Variants in TAMM41 observed in about 807,000 individuals in gnomAD.
The protein encoded by TAMM41 is TAM41 mitochondrial translocator assembly and maintenance homolog.
A neutral mutation model predicts 44.1 loss-of-function variants in TAMM41; 36 were observed. The observed-to-expected ratio is 0.82, with a 90% CI of 0.63 to 1.08. The LOEUF (loss-of-function observed/expected upper bound fraction) is 1.08, where lower values mean the gene tolerates loss of function less well. Among genes scored for constraint, TAMM41 ranks in the 50% least tolerant of loss-of-function variants. The probability of loss-of-function intolerance (pLI) is 0.00; values close to 1 mark genes in which losing one functional copy is unlikely to be tolerated. For missense variants in TAMM41, 417 were observed against 404.3 expected, an observed-to-expected ratio of 1.03 and a Z score of -0.27; for synonymous variants, 164 against 153.1, an observed-to-expected ratio of 1.07 and a Z score of -0.53.
At chr3:11,826,275 T>A (rs879373349) in intron 4 of TAMM41, among the ~76,000 whole-genome samples, 5 of 152,186 alleles carry the variant, frequency 3.3e-5, no homozygotes, top group Non-Finnish European at 7.3e-5. Flanking sequence ...GGCCCACACC[T>A]ATAATCCCAG....
At chr3:11,735,308 C>T in the TAMM41 span, among the ~76,000 whole-genome samples, 8 of 151,256 alleles carry the variant, frequency 5.3e-5, no homozygotes, top group Non-Finnish European at 1.0e-4. Context: ...CAGTGAGTTA[C>T]GACTGCGCCA....
the TAMM41 span, among the ~76,000 whole-genome samples, chr3:11,730,262 A>T: frequency 1.3e-5 from 2 of 151,866 alleles, no homozygotes; most frequent in Non-Finnish European, 2.9e-5. Context: ...CTCTACTAAA[A>T]ATACAAAAAT....
chr3:11,775,031 G>A, the TAMM41 span, among the ~76,000 whole-genome samples: 16 of 152,042 alleles, frequency 1.1e-4, no homozygotes, highest in African/African-American at 2.4e-4. Context: ...CACCGTGCCC[G>A]GCTAATTTTT....
the TAMM41 span, among the ~76,000 whole-genome samples, chr3:11,778,213 T>G: frequency 6.6e-6 from 1 of 152,106 alleles, no homozygotes; most frequent in Non-Finnish European, 1.5e-5. Flanking sequence ...CTCGGTTATA[T>G]GAGAACTCTA....
the TAMM41 span, among the ~76,000 whole-genome samples, chr3:11,785,322 T>C: frequency 6.6e-6 from 1 of 151,910 alleles, no homozygotes; most frequent in Non-Finnish European, 1.5e-5. Flanking sequence ...CATCTGGTTT[T>C]TGTTTTTGTT....
intron 5 of TAMM41, among the ~76,000 whole-genome samples, chr3:11,813,823 AAT>A (rs1459912980): frequency 1.3e-3 from 149 of 117,662 alleles, no homozygotes; most frequent in African/African-American, 4.8e-3. Flanking sequence ...TATGGGTACA[AAT>A]ATATGTGTGT....
intron 7 of TAMM41, among the ~76,000 whole-genome samples, chr3:11,802,477 A>T (rs901647808): frequency 1.3e-5 from 2 of 152,206 alleles, no homozygotes; most frequent in Non-Finnish European, 2.9e-5. Context: ...TCATGGAAAC[A>T]TAATCTTCAA....
chr3:11,816,722 G>A (rs1307766149), intron 5 of TAMM41, among the ~76,000 whole-genome samples: 9 of 151,942 alleles, frequency 5.9e-5, no homozygotes, highest in Admixed American at 4.6e-4. Flanking sequence ...GCAGTAAGCC[G>A]AGATCGTGCC....
chr3:11,782,313 A>G, the TAMM41 span, among the ~76,000 whole-genome samples: 1 of 152,148 alleles, frequency 6.6e-6, no homozygotes, highest in East Asian at 1.9e-4. Flanking sequence ...TAAGAGGCCA[A>G]GGTGGATGGA....
At chr3:11,843,866 T>A in intron 2 of TAMM41, 163 bp downstream of exon 2, 1 of 724,822 alleles carries the variant, frequency 1.4e-6, no homozygotes, top group Non-Finnish European at 2.2e-6. Context: ...TTCCTGACTA[T>A]AAGAATATAC....
chr3:11,777,133 C>A, the TAMM41 span, among the ~76,000 whole-genome samples: 3 of 152,120 alleles, frequency 2.0e-5, no homozygotes, highest in African/African-American at 7.2e-5. Flanking sequence ...GTTCTCACCA[C>A]ACAGACAAAA....
At chr3:11,817,452 A>G (rs1019804496) in intron 4 of TAMM41, 115 bp from the exon 5 acceptor site, 28 of 1,085,916 alleles carry the variant, frequency 2.6e-5, no homozygotes, top group Non-Finnish European at 3.2e-5. Context: ...ATCCCTCATC[A>G]GAACACTTGC....
chr3:11,829,647 A>T (rs2078899666), intron 4 of TAMM41, 67 bp downstream of exon 4: 2 of 1,553,156 alleles, frequency 1.3e-6, no homozygotes, highest in Middle Eastern at 1.7e-4. Flanking sequence ...GAGTGAGAAC[A>T]GGATATCCGC....
At chr3:11,817,473 C>G in intron 4 of TAMM41, 136 bp from the exon 5 acceptor site, 1 of 866,666 alleles carries the variant, frequency 1.2e-6, no homozygotes, top group Non-Finnish European at 1.7e-6. Flanking sequence ...TTTTCCTCCT[C>G]AAAACCTGGA....
At chr3:11,824,994 G>A (rs952792428) in intron 4 of TAMM41, among the ~76,000 whole-genome samples, 2 of 152,146 alleles carry the variant, frequency 1.3e-5, no homozygotes, top group African/African-American at 4.8e-5. Context: ...GTGTGACCCA[G>A]TGGGTCCTGG....
At chr3:11,833,095 G>A (rs762386633) in intron 3 of TAMM41, 2 of 1,281,776 alleles carry the variant, frequency 1.6e-6, no homozygotes, top group South Asian at 2.5e-5. Context: ...CAGCAGCACT[G>A]TTATTTGTTG....
the TAMM41 span, among the ~76,000 whole-genome samples, chr3:11,735,915 T>G: frequency 6.6e-6 from 1 of 151,858 alleles, no homozygotes; most frequent in South Asian, 2.1e-4. Flanking sequence ...CCAGCGTGGC[T>G]GCAGTGGGGT....
chr3:11,765,044 G>A, the TAMM41 span, among the ~76,000 whole-genome samples: 1 of 152,166 alleles, frequency 6.6e-6, no homozygotes, highest in African/African-American at 2.4e-5. Context: ...CACCTTTCCT[G>A]TGGTTTTCCC....
chr3:11,750,019 C>T, the TAMM41 span, among the ~76,000 whole-genome samples: 1,186 of 151,862 alleles, frequency 7.8e-3, 13 homozygotes, highest in African/African-American at 0.027. Context: ...GCCTCAGCCT[C>T]CCGAGTAGCT....
Sources: gnomAD v4.1 joint callset for allele counts (sites outside exome capture counted in the v4.1 genomes callset) on GRCh38, gnomAD v4.1.1 for gene constraint, MANE v1.5 for transcripts, NCBI Gene and HGNC (gene_info 2026-07-23, HGNC 2026-07-21) for gene names.